The following LANCL1 variants were observed in gnomAD, a reference collection of about 807,000 sequenced individuals.
LANCL1 encodes the protein LanC like glutathione S-transferase 1, also known as glutathione S-transferase LANCL1.
LANCL1 carries 50 observed loss-of-function variants against 50.6 expected under a neutral mutation model. The observed-to-expected ratio is 0.99, with a 90% CI of 0.79 to 1.25. The LOEUF (loss-of-function observed/expected upper bound fraction) is 1.25. LANCL1 is among the 50% of genes most tolerant of loss of function. The pLI is 0.00. For missense variants in LANCL1, 532 were observed against 480.7 expected, an observed-to-expected ratio of 1.11 and a Z score of -1.00; for synonymous variants, 188 against 178.6, an observed-to-expected ratio of 1.05 and a Z score of -0.42.
intron 6 of LANCL1, 49 bp from the exon 7 acceptor site, chr2:210,437,921 C>CCTAG: frequency 7.4e-7 from 1 of 1,347,828 alleles, no homozygotes; most frequent in South Asian, 1.6e-5. Flanking sequence ...AATAAACCTT[C>CCTAG]CTAGGTCTCA....
rs564171798 is a variant in LANCL1 at position 210,437,769 on chromosome 2, A to G, written c.794T>C (p.Ile265Thr). The change falls in exon 7 of 10, where the codon ATA becomes ACA. Residue 265 changes from isoleucine (I) to threonine (T), a missense_variant. Coordinates refer to ENST00000450366, the MANE Select transcript of LANCL1 (RefSeq NM_006055.3). ...GACAAGCAGATCTCGATTATCACCT[A>G]TACATGGAGGGTAATTGCCAGAAGG... ...KFPSGNYPPC[I>T]GDNRDLLVHW... The G allele has an allele frequency of 3.1e-6, 5 of 1,613,488 alleles. No homozygotes were observed. Among genetic ancestry groups the G allele is most frequent in the African/African-American group, 1.3e-5 (1 of 75,034 alleles).
chr2:210,457,990 T>C (rs931487077), intron 3 of LANCL1, among the ~76,000 whole-genome samples: 1 of 152,164 alleles, frequency 6.6e-6, no homozygotes, highest in Non-Finnish European at 1.5e-5. Context: ...GTGGGAGTAG[T>C]GGAGGCAACT....
At chr2:210,472,104 A>G (rs1694244770) in intron 2 of LANCL1, 28 bp from the exon 3 acceptor site, 1 of 1,491,038 alleles carries the variant, frequency 6.7e-7, no homozygotes, top group African/African-American at 1.4e-5. Flanking sequence ...ACAAGTATCA[A>G]AATAATGTGG....
At chr2:210,459,695 T>C (rs1304463951) in intron 3 of LANCL1, among the ~76,000 whole-genome samples, 1 of 152,070 alleles carries the variant, frequency 6.6e-6, no homozygotes, top group Non-Finnish European at 1.5e-5. Context: ...CCTGTCAGTT[T>C]ACCCTAAGAA....
chr2:210,440,752 G>T lies in LANCL1; in HGVS notation c.544-8C>A. On this transcript the variant is annotated splice_region_variant and splice_polypyrimidine_tract_variant and intron_variant, in intron 5 of 9. Transcript: ENST00000450366. ...TAAAATTGTTTCACAAATCTACAGG[G>T]AGAAAACCAACCAAAATAACAAGTT... 1 of 1,607,020 alleles carries T rather than the reference G, an allele frequency of 6.2e-7. No individual in the cohort carries two copies. The highest frequency in any genetic ancestry group is 8.5e-7 in the Non-Finnish European group (1 of 1,177,786).
chr2:210,469,120 C>T (rs1694152736), intron 3 of LANCL1: 1 of 152,070 alleles, frequency 6.6e-6, no homozygotes, highest in African/African-American at 2.4e-5. Context: ...GGAAAGATAA[C>T]ATGGGGCACA....
rs1045328711 is a variant in LANCL1 at position 210,433,434 on chromosome 2, G to A, written c.*1053C>T. ...TTTTGTTCAAGTTATTGGTTAGATA[G>A]TATTCCCTTTCTCATCTCCCCTTTT... On this transcript the variant is annotated 3_prime_UTR_variant, in exon 10 of 10. Coordinates refer to ENST00000450366, the MANE Select transcript of LANCL1 (RefSeq NM_006055.3). 4 of 152,174 alleles carry A rather than the reference G, an allele frequency of 2.6e-5. No homozygotes were observed. The highest frequency in any genetic ancestry group is 5.9e-5 in the Non-Finnish European group (4 of 68,032). 9.4% of individuals were successfully genotyped at this position (152,174 alleles called of 1,614,324 possible).
chr2:210,454,541 C>T (rs1210215269), intron 4 of LANCL1, among the ~76,000 whole-genome samples: 2 of 152,290 alleles, frequency 1.3e-5, no homozygotes, highest in East Asian at 3.9e-4. Flanking sequence ...GCGATGCATG[C>T]AGAGTTGCAC....
At chr2:210,475,878 A>T (rs750087800) in intron 2 of LANCL1, among the ~76,000 whole-genome samples, 1 of 152,138 alleles carries the variant, frequency 6.6e-6, no homozygotes, top group African/African-American at 2.4e-5. Context: ...TTCTCTAAGC[A>T]CTAACAGTTT....
intron 3 of LANCL1, among the ~76,000 whole-genome samples, chr2:210,461,967 C>T (rs1019468896): frequency 2.0e-5 from 3 of 152,152 alleles, no homozygotes; most frequent in Non-Finnish European, 2.9e-5. Flanking sequence ...ACAAGAACAC[C>T]TTATCTGCTC....
At position 210,453,102 on chromosome 2, in the gene LANCL1, A is replaced by G. The variant is rs76174099; in HGVS notation, c.407+2005T>C. 7.6e-3 allele frequency among the ~76,000 whole-genome samples: 1,160 copies of G among 152,324 alleles called. 11 individuals are homozygous for G. The highest frequency in any genetic ancestry group is 0.026 in the African/African-American group (1,092 of 41,570). ...AAAAAATCTGAAAAAAATCAAAGCTATAGCCACAAATAGTGTATTTTCCTA... is the reference window on the plus strand; with the variant it reads ...AAAAAATCTGAAAAAAATCAAAGCTGTAGCCACAAATAGTGTATTTTCCTA... On this transcript the variant is annotated intron_variant, in intron 4 of 9. Transcript: ENST00000450366.
chr2:210,461,421 G>A (rs991511900), intron 3 of LANCL1, among the ~76,000 whole-genome samples: 1 of 152,070 alleles, frequency 6.6e-6, no homozygotes, highest in African/African-American at 2.4e-5. Flanking sequence ...AGATCAAATT[G>A]CAAAGAGAAG....
intron 3 of LANCL1, among the ~76,000 whole-genome samples, chr2:210,461,873 C>G (rs1693873542): frequency 6.6e-6 from 1 of 152,082 alleles, no homozygotes. Context: ...GTAGTGAGAT[C>G]AGCCATCCCT....
intron 4 of LANCL1, among the ~76,000 whole-genome samples, chr2:210,447,452 G>T (rs1280464523): frequency 2.6e-5 from 4 of 152,044 alleles, no homozygotes; most frequent in Non-Finnish European, 2.9e-5. Flanking sequence ...ATCAACTAGT[G>T]GGCAAAATAA....
chr2:210,447,524 T>C (rs192613799), intron 4 of LANCL1, among the ~76,000 whole-genome samples: 32 of 152,250 alleles, frequency 2.1e-4, no homozygotes, highest in African/African-American at 7.7e-4. Flanking sequence ...TAAATGTAAA[T>C]GAGCTAAATG....
intron 4 of LANCL1, among the ~76,000 whole-genome samples, chr2:210,453,668 G>C (rs559930757): frequency 6.2e-4 from 95 of 152,314 alleles, no homozygotes; most frequent in African/African-American, 2.1e-3. Flanking sequence ...TTCACTGAAT[G>C]AGAGTATCTT....
upstream of LANCL1, among the ~76,000 whole-genome samples, chr2:210,477,072 C>T (rs1017494350): frequency 1.3e-5 from 2 of 150,396 alleles, no homozygotes; most frequent in African/African-American, 4.9e-5. Context: ...TTCTGCTGTT[C>T]GCAATAGATA....
intron 3 of LANCL1, chr2:210,471,702 C>T: frequency 1.5e-6 from 1 of 677,868 alleles, no homozygotes; most frequent in African/African-American, 1.7e-5. Context: ...TTTCTCCTCA[C>T]AAGTATAGCA....
chr2:210,468,413 A>G (rs1244886025), intron 3 of LANCL1: 2 of 152,224 alleles, frequency 1.3e-5, no homozygotes, highest in African/African-American at 4.8e-5. Context: ...ATAGAAGTCA[A>G]GAAAAAAATC....
Sources: allele counts gnomAD v4.1 joint callset (sites outside exome capture counted in the v4.1 genomes callset), GRCh38; gene constraint gnomAD v4.1.1; transcripts MANE v1.5; gene names NCBI Gene and HGNC (gene_info 2026-07-23, HGNC 2026-07-21).